Variants in TRHDE observed in about 807,000 individuals in gnomAD.
The protein encoded by TRHDE is thyrotropin-releasing hormone-degrading ectoenzyme.
Under a neutral mutation model 125.7 loss-of-function variants are expected in TRHDE, and 72 were observed. The observed-to-expected ratio is 0.57, with a 90% CI of 0.47 to 0.70. TRHDE has a LOEUF of 0.70. Ranked by LOEUF, TRHDE falls within the 30% of genes least tolerant of loss-of-function variation. The pLI, the probability that TRHDE is intolerant of heterozygous loss-of-function variation, is 0.00. For missense variants in TRHDE, 1,110 were observed against 1,327.1 expected (o/e 0.84, Z 2.54); for synonymous variants, 509 against 509.1 (o/e 1.00, Z 0.00).
At chr12:72,639,238 G>T (rs886348675) in intron 15 of TRHDE, among the ~76,000 whole-genome samples, 1 of 151,586 alleles carries the variant, frequency 6.6e-6, no homozygotes, top group Non-Finnish European at 1.5e-5. Flanking sequence ...TTCCTTTCTC[G>T]CTTCATTTCA....
At chr12:72,456,518 C>T (rs779384047) in intron 3 of TRHDE, among the ~76,000 whole-genome samples, 10 of 152,034 alleles carry the variant, frequency 6.6e-5, no homozygotes, top group Non-Finnish European at 1.2e-4. Context: ...GGAAGGTTAT[C>T]ATTTTCTTCA....
intron 3 of TRHDE, among the ~76,000 whole-genome samples, chr12:72,390,423 A>G (rs2135790330): frequency 6.6e-6 from 1 of 152,254 alleles, no homozygotes; most frequent in East Asian, 1.9e-4. Context: ...CAGCACTGCC[A>G]ATCAGCCAAT....
intron 1 of TRHDE, among the ~76,000 whole-genome samples, chr12:72,276,645 C>T (rs1879497433): frequency 6.6e-6 from 1 of 152,156 alleles, no homozygotes; most frequent in Non-Finnish European, 1.5e-5. Context: ...TTCCTGATTT[C>T]CATACTGTAA....
At chr12:72,343,145 T>A (rs965463582) in intron 2 of TRHDE, among the ~76,000 whole-genome samples, 1 of 152,126 alleles carries the variant, frequency 6.6e-6, no homozygotes, top group Non-Finnish European at 1.5e-5. Context: ...ATATTGATGA[T>A]GTCGACTTGA....
intron 1 of TRHDE, among the ~76,000 whole-genome samples, chr12:72,284,138 G>A (rs1879793898): frequency 6.6e-6 from 1 of 151,948 alleles, no homozygotes; most frequent in African/African-American, 2.4e-5. Context: ...TTTGGGTTAG[G>A]GATGCTCAGC....
At chr12:72,446,831 A>G (rs1875310245) in intron 3 of TRHDE, among the ~76,000 whole-genome samples, 1 of 152,122 alleles carries the variant, frequency 6.6e-6, no homozygotes, top group South Asian at 2.1e-4. Flanking sequence ...AAATATATAT[A>G]TGCACCCAAT....
At chr12:72,276,235 T>C (rs1256415851) in intron 1 of TRHDE, among the ~76,000 whole-genome samples, 2 of 152,188 alleles carry the variant, frequency 1.3e-5, no homozygotes, top group African/African-American at 4.8e-5. Flanking sequence ...CACTTTCAAA[T>C]AGGACGCAGA....
intron 1 of TRHDE, among the ~76,000 whole-genome samples, chr12:72,102,770 C>T (rs1875098953): frequency 6.6e-6 from 1 of 152,100 alleles, no homozygotes. Context: ...TAGGCAGATC[C>T]CAGTGTATCA....
chr12:72,307,273 T>C (rs933563142), intron 2 of TRHDE, among the ~76,000 whole-genome samples: 9 of 151,688 alleles, frequency 5.9e-5, no homozygotes, highest in Non-Finnish European at 1.0e-4. Flanking sequence ...CAAGTGATTC[T>C]CCTGTCTCAG....
chr12:72,443,682 G>A (rs1422612102), intron 3 of TRHDE, among the ~76,000 whole-genome samples: 1 of 151,614 alleles, frequency 6.6e-6, no homozygotes, highest in South Asian at 2.1e-4. Context: ...TGACAATATG[G>A]TCAGGAAGAT....
At chr12:72,319,139 A>T (rs142440296) in intron 2 of TRHDE, among the ~76,000 whole-genome samples, 1 of 152,302 alleles carries the variant, frequency 6.6e-6, no homozygotes, top group East Asian at 1.9e-4. Context: ...GGGAGACATT[A>T]TGTCAGATGG....
At chr12:72,165,913 G>T (rs1427962345) in intron 2 of TRHDE, among the ~76,000 whole-genome samples, 1 of 152,092 alleles carries the variant, frequency 6.6e-6, no homozygotes, top group Non-Finnish European at 1.5e-5. Context: ...CTGACCTCAT[G>T]ATCTGCCCGC....
intron 2 of TRHDE, among the ~76,000 whole-genome samples, chr12:72,321,254 A>T (rs1026142554): frequency 2.6e-5 from 4 of 152,178 alleles, no homozygotes; most frequent in Non-Finnish European, 5.9e-5. Flanking sequence ...AAGGGGGCAA[A>T]TGCCCTGAAG....
chr12:72,125,940 C>A (rs1212725452), intron 2 of TRHDE, among the ~76,000 whole-genome samples: 1 of 152,004 alleles, frequency 6.6e-6, no homozygotes, highest in African/African-American at 2.4e-5. Flanking sequence ...ACCAAGGTGG[C>A]CTGAGTTTGC....
At chr12:72,435,885 A>T (rs929110807) in intron 3 of TRHDE, among the ~76,000 whole-genome samples, 2 of 152,052 alleles carry the variant, frequency 1.3e-5, no homozygotes, top group East Asian at 3.8e-4. Context: ...GCAAACAGAG[A>T]GTTTCTGGCT....
At chr12:72,657,709 T>C (rs1321649816) in intron 18 of TRHDE, among the ~76,000 whole-genome samples, 1 of 152,116 alleles carries the variant, frequency 6.6e-6, no homozygotes, top group East Asian at 1.9e-4. Context: ...GTTTTGTTTG[T>C]TTGTTTTGCC....
intron 6 of TRHDE, among the ~76,000 whole-genome samples, chr12:72,540,756 A>ATGTT (rs991063517): frequency 2.0e-5 from 3 of 151,700 alleles, no homozygotes; most frequent in African/African-American, 7.3e-5. Flanking sequence ...ATAAATGCTT[A>ATGTT]TGTTTCATGG....
At chr12:72,454,264 G>A (rs919933866) in intron 3 of TRHDE, among the ~76,000 whole-genome samples, 4 of 152,090 alleles carry the variant, frequency 2.6e-5, no homozygotes, top group African/African-American at 9.7e-5. Context: ...GAGTATAATG[G>A]TTGAGGGATC....
chr12:72,546,389 C>T (rs1869419130), intron 7 of TRHDE, among the ~76,000 whole-genome samples: 1 of 151,588 alleles, frequency 6.6e-6, no homozygotes, highest in Non-Finnish European at 1.5e-5. Flanking sequence ...CCAAGCCTCT[C>T]AAAGACTTTG....
Sources: allele counts gnomAD v4.1 joint callset (sites outside exome capture counted in the v4.1 genomes callset), GRCh38; gene constraint gnomAD v4.1.1; transcripts MANE v1.5; gene names NCBI Gene and HGNC (gene_info 2026-07-23, HGNC 2026-07-21).